The following PDE3A variants were observed in gnomAD, a reference collection of about 807,000 sequenced individuals.
The protein encoded by PDE3A is phosphodiesterase 3A.
Under a neutral mutation model 98.3 loss-of-function variants are expected in PDE3A, and 43 were observed. The observed-to-expected ratio is 0.44, with a 90% CI of 0.34 to 0.56. PDE3A has a LOEUF of 0.56. Ranked by LOEUF, PDE3A falls within the 20% of genes least tolerant of loss-of-function variation. The pLI, the probability that PDE3A is intolerant of heterozygous loss-of-function variation, is 0.01. For missense variants in PDE3A, 1,427 were observed against 1,440.7 expected, an observed-to-expected ratio of 0.99 and a Z score of 0.15; for synonymous variants, 663 against 567.9, an observed-to-expected ratio of 1.17 and a Z score of -2.38.
chr12:20,416,046 G>C (rs570576549), intron 1 of PDE3A, among the ~76,000 whole-genome samples: 1 of 152,124 alleles, frequency 6.6e-6, no homozygotes, highest in Non-Finnish European at 1.5e-5. Flanking sequence ...ATGAATACAT[G>C]GTGGATCCCA....
intron 1 of PDE3A, among the ~76,000 whole-genome samples, chr12:20,415,413 T>TTTATTTAC (rs1445811943): frequency 6.6e-6 from 1 of 151,146 alleles, no homozygotes; most frequent in East Asian, 1.9e-4. Context: ...TATTTATTTA[T>TTTATTTAC]TTATTTATAT....
At chr12:20,426,499 C>T (rs961586913) in intron 1 of PDE3A, among the ~76,000 whole-genome samples, 11 of 152,156 alleles carry the variant, frequency 7.2e-5, no homozygotes, top group South Asian at 4.1e-4. Context: ...TACCATGTTC[C>T]GTCCAAGACA....
At chr12:20,409,399 C>CA (rs1944293470) in intron 1 of PDE3A, among the ~76,000 whole-genome samples, 1 of 151,880 alleles carries the variant, frequency 6.6e-6, no homozygotes. Context: ...ATTATTAGCT[C>CA]TCTTATTTAA....
At chr12:20,391,864 G>T (rs913450870) in intron 1 of PDE3A, among the ~76,000 whole-genome samples, 1 of 152,016 alleles carries the variant, frequency 6.6e-6, no homozygotes, top group East Asian at 1.9e-4. Context: ...CTGGAACAAA[G>T]CGAAGGGTGG....
At chr12:20,464,802 T>G (rs1945311876) in intron 1 of PDE3A, among the ~76,000 whole-genome samples, 1 of 152,208 alleles carries the variant, frequency 6.6e-6, no homozygotes, top group Non-Finnish European at 1.5e-5. Context: ...GCAAAGAAGT[T>G]GTGGTCTTTG....
At chr12:20,441,101 T>C (rs1944864197) in intron 1 of PDE3A, among the ~76,000 whole-genome samples, 1 of 152,168 alleles carries the variant, frequency 6.6e-6, no homozygotes, top group South Asian at 2.1e-4. Context: ...GGGAGTATAA[T>C]GGATACATAA....
At chr12:20,431,603 AC>A (rs1258174793) in intron 1 of PDE3A, among the ~76,000 whole-genome samples, 1 of 150,900 alleles carries the variant, frequency 6.6e-6, no homozygotes, top group Admixed American at 6.6e-5. Context: ...AAACACACAC[AC>A]ACACACACAC....
At chr12:20,497,341 T>G (rs1382829120) in intron 1 of PDE3A, among the ~76,000 whole-genome samples, 1 of 151,734 alleles carries the variant, frequency 6.6e-6, no homozygotes, top group African/African-American at 2.4e-5. Flanking sequence ...ATTTAAATTA[T>G]AATAAATTAT....
At chr12:20,439,439 A>G (rs1944831761) in intron 1 of PDE3A, among the ~76,000 whole-genome samples, 1 of 152,198 alleles carries the variant, frequency 6.6e-6, no homozygotes, top group Non-Finnish European at 1.5e-5. Context: ...TATGCATGAA[A>G]GGGGAAATTA....
intron 1 of PDE3A, among the ~76,000 whole-genome samples, chr12:20,494,334 T>A (rs1390474386): frequency 1.3e-5 from 2 of 152,226 alleles, no homozygotes; most frequent in South Asian, 4.1e-4. Flanking sequence ...TACCACCATA[T>A]GCCCTGCACT....
chr12:20,625,397 C>T (rs879593524), intron 5 of PDE3A, among the ~76,000 whole-genome samples: 9 of 151,938 alleles, frequency 5.9e-5, no homozygotes, highest in Admixed American at 2.6e-4. Flanking sequence ...GTTTGGCTGC[C>T]GACTGCAGTG....
At chr12:20,611,313 A>C (rs1943846930) in intron 2 of PDE3A, among the ~76,000 whole-genome samples, 1 of 151,956 alleles carries the variant, frequency 6.6e-6, no homozygotes, top group Non-Finnish European at 1.5e-5. Flanking sequence ...ATATTGGTTC[A>C]TAAGAGATAT....
At chr12:20,533,439 C>T (rs1357336052) in intron 1 of PDE3A, among the ~76,000 whole-genome samples, 1 of 151,144 alleles carries the variant, frequency 6.6e-6, no homozygotes, top group Non-Finnish European at 1.5e-5. Flanking sequence ...AGTTACCCAC[C>T]TTCACTTGAC....
chr12:20,429,508 CTG>C (rs546074824), intron 1 of PDE3A, among the ~76,000 whole-genome samples: 38 of 152,262 alleles, frequency 2.5e-4, no homozygotes, highest in Middle Eastern at 3.4e-3. Flanking sequence ...TTGATCACAT[CTG>C]TGTTTCTGAA....
chr12:20,425,643 T>C (rs1456537945), intron 1 of PDE3A, among the ~76,000 whole-genome samples: 1 of 152,182 alleles, frequency 6.6e-6, no homozygotes, highest in Non-Finnish European at 1.5e-5. Flanking sequence ...ATAAACTCAT[T>C]CTAAGATTGT....
intron 1 of PDE3A, among the ~76,000 whole-genome samples, chr12:20,457,169 T>G (rs1218859517): frequency 6.6e-6 from 1 of 152,096 alleles, no homozygotes; most frequent in Non-Finnish European, 1.5e-5. Flanking sequence ...TCCTTTCTAA[T>G]ATGAAATACA....
intron 5 of PDE3A, among the ~76,000 whole-genome samples, chr12:20,623,372 T>C (rs577716796): frequency 1.6e-4 from 24 of 152,118 alleles, no homozygotes; most frequent in African/African-American, 5.8e-4. Flanking sequence ...ACCAAAGATA[T>C]ACACAAACAA....
intron 1 of PDE3A, among the ~76,000 whole-genome samples, chr12:20,420,606 A>T (rs1944496718): frequency 6.6e-6 from 1 of 152,124 alleles, no homozygotes; most frequent in South Asian, 2.1e-4. Context: ...AGGGACAGGG[A>T]GGCTCCAGGT....
intron 1 of PDE3A, among the ~76,000 whole-genome samples, chr12:20,381,418 T>G (rs1410347988): frequency 1.3e-5 from 2 of 151,806 alleles, no homozygotes; most frequent in African/African-American, 4.8e-5. Flanking sequence ...AAAAAATATT[T>G]TATGGTCTTT....
Sources: gnomAD v4.1 joint callset for allele counts (sites outside exome capture counted in the v4.1 genomes callset) on GRCh38, gnomAD v4.1.1 for gene constraint, MANE v1.5 for transcripts, NCBI Gene and HGNC (gene_info 2026-07-23, HGNC 2026-07-21) for gene names.